Variants in TMC5 observed in about 807,000 individuals in gnomAD.
TMC5 encodes the protein transmembrane channel-like protein 5.
In TMC5, 86 loss-of-function variants were observed where a neutral mutation model predicts 110.5. The ratio of observed to expected loss-of-function variants is 0.78; its 90% CI spans 0.65 to 0.93. The LOEUF is 0.93. TMC5 is among the 40% of genes least tolerant of loss of function. The probability of loss-of-function intolerance (pLI) is 0.00; values close to 1 mark genes in which losing one functional copy is unlikely to be tolerated. For synonymous variants in TMC5, 455 were observed against 439.5 expected, an observed-to-expected ratio of 1.04 and a Z score of -0.44; for missense variants, 1,144 against 1,222.8, an observed-to-expected ratio of 0.94 and a Z score of 0.96.
At chr16:19,476,346 GAAGAAAGA>G (rs1484173017) in intron 12 of TMC5, among the ~76,000 whole-genome samples, 1 of 151,986 alleles carries the variant, frequency 6.6e-6, no homozygotes, top group Non-Finnish European at 1.5e-5. Flanking sequence ...GACCCTGTCG[GAAGAAAGA>G]AAGAGAGAAA....
intron 4 of TMC5, among the ~76,000 whole-genome samples, chr16:19,447,958 A>G (rs997211051): frequency 1.3e-5 from 2 of 152,042 alleles, no homozygotes; most frequent in Non-Finnish European, 2.9e-5. Flanking sequence ...GTTGATTCCC[A>G]GGCAAGAAGC....
intron 5 of TMC5, among the ~76,000 whole-genome samples, chr16:19,454,150 C>T (rs1187595589): frequency 1.3e-5 from 2 of 152,130 alleles, no homozygotes; most frequent in African/African-American, 4.8e-5. Flanking sequence ...TGAGTTCAAG[C>T]AATTCTCCAG....
At chr16:19,420,868 C>G (rs577792266) in intron 1 of TMC5, among the ~76,000 whole-genome samples, 7 of 152,272 alleles carry the variant, frequency 4.6e-5, no homozygotes, top group South Asian at 2.1e-4. Flanking sequence ...TGTGTTAGCA[C>G]CCACATCCAA....
At chr16:19,467,018 C>T (rs115880131) in intron 9 of TMC5, among the ~76,000 whole-genome samples, 2,386 of 151,984 alleles carry the variant, frequency 0.016, 69 homozygotes, top group African/African-American at 0.054. Flanking sequence ...TGGTGGCGCA[C>T]GCCTGTGTTC....
At chr16:19,434,412 T>G (rs533373090) in intron 2 of TMC5, among the ~76,000 whole-genome samples, 4,031 of 131,928 alleles carry the variant, frequency 0.031, 341 homozygotes, top group African/African-American at 0.11. Context: ...ATATCATATA[T>G]ATCTATATAT....
intron 15 of TMC5, among the ~76,000 whole-genome samples, chr16:19,481,992 C>G (rs890042582): frequency 6.6e-6 from 1 of 152,198 alleles, no homozygotes; most frequent in Non-Finnish European, 1.5e-5. Flanking sequence ...GACACTGAAT[C>G]TACCAGCACC....
chr16:19,489,644 ATTTTTT>A (rs34372092), intron 17 of TMC5, among the ~76,000 whole-genome samples: 7 of 129,330 alleles, frequency 5.4e-5, no homozygotes, highest in Admixed American at 7.9e-5. Context: ...TGCCTGGCTA[ATTTTTT>A]TTTTTTTTTT....
chr16:19,432,559 C>T (rs748178983), intron 2 of TMC5, among the ~76,000 whole-genome samples: 13 of 152,206 alleles, frequency 8.5e-5, no homozygotes, highest in Non-Finnish European at 1.9e-4. Context: ...AAGGCCACTC[C>T]CACTTCATGT....
chr16:19,445,119 ACT>A (rs989461103), intron 4 of TMC5, among the ~76,000 whole-genome samples: 5 of 152,132 alleles, frequency 3.3e-5, no homozygotes, highest in African/African-American at 1.2e-4. Flanking sequence ...GTAGAGCGAG[ACT>A]CTGTTAAAAA....
chr16:19,418,511 G>A (rs1966906851), intron 1 of TMC5, among the ~76,000 whole-genome samples: 1 of 151,982 alleles, frequency 6.6e-6, no homozygotes, highest in Admixed American at 6.6e-5. Flanking sequence ...TATGTCTGGG[G>A]GTGTCTCCTG....
At chr16:19,458,191 GT>G (rs1169348748) in intron 5 of TMC5, among the ~76,000 whole-genome samples, 2 of 152,024 alleles carry the variant, frequency 1.3e-5, no homozygotes, top group Non-Finnish European at 2.9e-5. Context: ...TGGAGATGCT[GT>G]TTCTTTTAAT....
intron 19 of TMC5, chr16:19,492,448 T>G (rs1967950): frequency 0.87 from 312,024 of 357,342 alleles, 136,403 homozygotes; most frequent in South Asian, 0.93. Flanking sequence ...TTATGATGAT[T>G]ATTATTATTA....
intron 8 of TMC5, 141 bp from the exon 9 acceptor site, chr16:19,465,941 T>G: frequency 5.2e-6 from 4 of 773,366 alleles, no homozygotes; most frequent in Non-Finnish European, 7.7e-6. Flanking sequence ...AAATTCTCAG[T>G]GCCCCTTTCC....
At chr16:19,437,724 C>T (rs1967379418) in intron 2 of TMC5, among the ~76,000 whole-genome samples, 1 of 152,176 alleles carries the variant, frequency 6.6e-6, no homozygotes, top group Non-Finnish European at 1.5e-5. Context: ...TCATCCTTTC[C>T]CTACTGGATC....
At chr16:19,446,404 A>C (rs1043556795) in intron 4 of TMC5, among the ~76,000 whole-genome samples, 3 of 152,356 alleles carry the variant, frequency 2.0e-5, no homozygotes, top group African/African-American at 7.2e-5. Flanking sequence ...CCCCTGCTTA[A>C]GGGGCTGATA....
intron 18 of TMC5, 39 bp from the exon 19 acceptor site, chr16:19,492,111 A>T: frequency 1.3e-6 from 2 of 1,506,764 alleles, no homozygotes; most frequent in African/African-American, 2.7e-5. Flanking sequence ...CCTGCAAAAC[A>T]TTTGCAAGAG....
intron 2 of TMC5, among the ~76,000 whole-genome samples, chr16:19,438,409 G>GAAAAAAA (rs370741264): frequency 2.0e-5 from 1 of 50,136 alleles, no homozygotes; most frequent in African/African-American, 7.3e-5. Context: ...AAAAAAAAAA[G>GAAAAAAA]AAGAAAGAAA....
upstream of TMC5, among the ~76,000 whole-genome samples, chr16:19,413,664 A>T (rs1439756396): frequency 6.7e-6 from 1 of 149,638 alleles, no homozygotes; most frequent in African/African-American, 2.5e-5. Context: ...TACTTGGTGG[A>T]TGAGGAATCC....
At chr16:19,419,756 G>T (rs977053240) in intron 1 of TMC5, among the ~76,000 whole-genome samples, 1 of 152,050 alleles carries the variant, frequency 6.6e-6, no homozygotes, top group African/African-American at 2.4e-5. Flanking sequence ...TGCCAGAAAA[G>T]GTCCTGTCCC....
Sources: allele counts gnomAD v4.1 joint callset (sites outside exome capture counted in the v4.1 genomes callset), GRCh38; gene constraint gnomAD v4.1.1; transcripts MANE v1.5; gene names NCBI Gene and HGNC (gene_info 2026-07-23, HGNC 2026-07-21).